Variants in KCNIP1 observed in about 807,000 individuals in gnomAD.
KCNIP1 encodes A-type potassium channel modulatory protein KCNIP1.
KCNIP1 carries 18 observed loss-of-function variants against 33.0 expected under a neutral mutation model. The observed-to-expected ratio is 0.55, with a 90% CI of 0.38 to 0.81. KCNIP1 has a LOEUF of 0.81. Ranked by LOEUF, KCNIP1 falls within the 30% of genes least tolerant of loss-of-function variation. The probability of loss-of-function intolerance (pLI) is 0.00; values close to 1 mark genes in which losing one functional copy is unlikely to be tolerated. For synonymous variants in KCNIP1, 93 were observed against 98.3 expected (o/e 0.95, Z 0.32); for missense variants, 238 against 271.6 (o/e 0.88, Z 0.87).
rs148761080 is a variant in KCNIP1, at chr5:170,458,082, C to T, written c.88+104118C>T. On this transcript the variant is annotated intron_variant, in intron 1 of 7. Transcript: ENST00000377360. ...AAACTCTCAGCAATAGAATTGAACACGCTGAAGAAAGAACTTCAGAGCTCA... is the reference window on the plus strand; with the variant it reads ...AAACTCTCAGCAATAGAATTGAACATGCTGAAGAAAGAACTTCAGAGCTCA... 1.1e-3 allele frequency among the ~76,000 whole-genome samples: 171 copies of T among 152,166 alleles called. 2 individuals carry two copies. In the East Asian group the frequency reaches 0.031, roughly 27 times the overall value.
intron 1 of KCNIP1, among the ~76,000 whole-genome samples, chr5:170,674,132 GAA>G (rs1365693388): frequency 4.3e-5 from 1 of 23,010 alleles, no homozygotes; most frequent in Non-Finnish European, 1.3e-4. Flanking sequence ...AAGCAATGAG[GAA>G]GGAAGGAAGG....
chr5:170,353,988 T>C (rs1466461874), intron 1 of KCNIP1: 33 of 1,606,054 alleles, frequency 2.1e-5, no homozygotes, highest in Non-Finnish European at 2.8e-5. Context: ...CCTTGACCCT[T>C]GCTTTCTGTC....
chr5:170,455,282 T>C (rs1196269295), intron 1 of KCNIP1, among the ~76,000 whole-genome samples: 1 of 152,112 alleles, frequency 6.6e-6, no homozygotes, highest in African/African-American at 2.4e-5. Context: ...CTACTTCTCC[T>C]CCTCCTCCCC....
intron 1 of KCNIP1, among the ~76,000 whole-genome samples, chr5:170,573,819 G>T (rs1757501857): frequency 6.6e-6 from 1 of 152,220 alleles, no homozygotes; most frequent in African/African-American, 2.4e-5. Flanking sequence ...ATGGCCCATA[G>T]AGCCATAAAT....
chr5:170,629,507 C>T (rs918566661), intron 1 of KCNIP1, among the ~76,000 whole-genome samples: 2 of 152,208 alleles, frequency 1.3e-5, no homozygotes, highest in Non-Finnish European at 2.9e-5. Flanking sequence ...GGGTCTCAGG[C>T]AGGCCAGAGG....
chr5:170,708,398 T>A (rs1307451443), intron 1 of KCNIP1, among the ~76,000 whole-genome samples: 1 of 152,246 alleles, frequency 6.6e-6, no homozygotes, highest in African/African-American at 2.4e-5. Flanking sequence ...GAATACAATT[T>A]CAAGAGGAAG....
At chr5:170,691,131 A>G (rs1762704601) in intron 1 of KCNIP1, among the ~76,000 whole-genome samples, 1 of 152,216 alleles carries the variant, frequency 6.6e-6, no homozygotes, top group Admixed American at 6.5e-5. Context: ...TGCCATGACA[A>G]CCATCAGTTT....
chr5:170,390,517 A>AAAAAAAAAAAAAAATATATATATAT lies in KCNIP1; in HGVS notation c.88+36554_88+36555insAAAAAAAAAAAAATATATATATATA. ...GACCCCGTCTCAAAAAAAAAAAACA[A>AAAAAAAAAAAAAAATATATATATAT]ATATATATATATATATATATATTTT... On this transcript the variant is annotated intron_variant, in intron 1 of 7. Transcript: ENST00000377360. Among the ~76,000 whole-genome samples the AAAAAAAAAAAAAAATATATATATAT allele has an allele frequency of 8.7e-4, 65 of 74,428 alleles. 3 individuals are homozygous for AAAAAAAAAAAAAAATATATATATAT. The highest frequency in any genetic ancestry group is 1.3e-3 in the Non-Finnish European group (53 of 40,146). The allele number at this position is 74,428 out of a possible 152,430, so 48.8% of individuals were successfully genotyped here.
chr5:170,679,762 C>T (rs183833183), intron 1 of KCNIP1, among the ~76,000 whole-genome samples: 17 of 149,480 alleles, frequency 1.1e-4, no homozygotes, highest in Non-Finnish European at 2.4e-4. Flanking sequence ...TAGTATCTTT[C>T]CAGGAAAAGA....
intron 1 of KCNIP1, among the ~76,000 whole-genome samples, chr5:170,540,010 G>C (rs766136934): frequency 6.6e-6 from 1 of 152,140 alleles, no homozygotes; most frequent in Non-Finnish European, 1.5e-5. Flanking sequence ...ATAAAGGAAC[G>C]ATCTTTCAAC....
At chr5:170,432,903 G>A (rs963055607) in intron 1 of KCNIP1, among the ~76,000 whole-genome samples, 1 of 152,098 alleles carries the variant, frequency 6.6e-6, no homozygotes, top group African/African-American at 2.4e-5. Context: ...GAAAGGAATA[G>A]GGATTTACAA....
chr5:170,521,147 A>G (rs1336850784), intron 1 of KCNIP1, among the ~76,000 whole-genome samples: 2 of 152,160 alleles, frequency 1.3e-5, no homozygotes, highest in African/African-American at 4.8e-5. Flanking sequence ...CACAAGCATG[A>G]CACTGCCTGG....
At chr5:170,612,745 G>A (rs529763398) in intron 1 of KCNIP1, among the ~76,000 whole-genome samples, 7 of 152,276 alleles carry the variant, frequency 4.6e-5, no homozygotes, top group Admixed American at 1.3e-4. Context: ...AAATGTGGCC[G>A]GCTGTAATTC....
At chr5:170,724,466 G>T (rs1347259065) in intron 5 of KCNIP1, among the ~76,000 whole-genome samples, 1 of 151,916 alleles carries the variant, frequency 6.6e-6, no homozygotes, top group Non-Finnish European at 1.5e-5. Context: ...AGGCAAGGTT[G>T]GTTTAACATT....
chr5:170,700,312 C>G (rs1763050146), intron 1 of KCNIP1, among the ~76,000 whole-genome samples: 2 of 152,108 alleles, frequency 1.3e-5, no homozygotes, highest in South Asian at 4.2e-4. Context: ...TAACCCATAC[C>G]TTTCCTCCAT....
At chr5:170,553,254 CCT>C (rs1756722248) in intron 1 of KCNIP1, among the ~76,000 whole-genome samples, 1 of 152,240 alleles carries the variant, frequency 6.6e-6, no homozygotes, top group East Asian at 1.9e-4. Flanking sequence ...GACCTGTACC[CCT>C]GTGTCGAAAC....
intron 1 of KCNIP1, among the ~76,000 whole-genome samples, chr5:170,475,396 G>T (rs754997030): frequency 6.6e-6 from 1 of 152,210 alleles, no homozygotes; most frequent in African/African-American, 2.4e-5. Context: ...TCGGAAGCTA[G>T]TCCACTTGCT....
chr5:170,397,774 T>C (rs1754799298), intron 1 of KCNIP1, among the ~76,000 whole-genome samples: 1 of 152,216 alleles, frequency 6.6e-6, no homozygotes, highest in African/African-American at 2.4e-5. Context: ...ACCTTGAGAA[T>C]ATGTGCCCAA....
intron 1 of KCNIP1, among the ~76,000 whole-genome samples, chr5:170,543,088 C>T (rs1756273073): frequency 6.6e-6 from 1 of 152,128 alleles, no homozygotes; most frequent in African/African-American, 2.4e-5. Context: ...GGGTACTGAT[C>T]CCATTCATGA....
Sources: allele counts gnomAD v4.1 joint callset (sites outside exome capture counted in the v4.1 genomes callset), GRCh38; gene constraint gnomAD v4.1.1; transcripts MANE v1.5; gene names NCBI Gene and HGNC (gene_info 2026-07-23, HGNC 2026-07-21).